The following LRRC37A2 variants were observed in gnomAD, a reference collection of about 807,000 sequenced individuals.
LRRC37A2 encodes the protein leucine rich repeat containing 37 member A2.
In LRRC37A2, 9 loss-of-function variants were observed where a neutral mutation model predicts 68.8. The ratio of observed to expected loss-of-function variants is 0.13; its 90% CI spans 0.08 to 0.23. The LOEUF is 0.23. LRRC37A2 is among the 10% of genes least tolerant of loss of function. The pLI, the probability that LRRC37A2 is intolerant of heterozygous loss-of-function variation, is 1.00. For missense variants in LRRC37A2, 168 were observed against 950.4 expected, an observed-to-expected ratio of 0.18 and a Z score of 10.82; for synonymous variants, 63 against 367.6, an observed-to-expected ratio of 0.17 and a Z score of 9.48.
chr17:47,022,332 A>T, the LRRC37A2 span, among the ~76,000 whole-genome samples: 1 of 145,400 alleles, frequency 6.9e-6, no homozygotes. Flanking sequence ...CACCACACCC[A>T]CCTAATTTTG....
chr17:46,850,530 A>T, the LRRC37A2 span, among the ~76,000 whole-genome samples: 1 of 152,110 alleles, frequency 6.6e-6, no homozygotes, highest in African/African-American at 2.4e-5. Context: ...TTCCCTATGC[A>T]TGGCTGATTT....
the LRRC37A2 span, among the ~76,000 whole-genome samples, chr17:46,836,491 T>G: frequency 6.6e-6 from 1 of 152,168 alleles, no homozygotes; most frequent in Non-Finnish European, 1.5e-5. Flanking sequence ...TTTACACTGA[T>G]AAGAGGAAGA....
the LRRC37A2 span, among the ~76,000 whole-genome samples, chr17:46,493,506 CTTTA>C: frequency 8.3e-6 from 1 of 120,476 alleles, no homozygotes; most frequent in Non-Finnish European, 1.7e-5. Context: ...GGGTTGCTTT[CTTTA>C]TTGTTATTCT....
chr17:46,904,304 G>A, the LRRC37A2 span, among the ~76,000 whole-genome samples: 2 of 151,172 alleles, frequency 1.3e-5, no homozygotes, highest in African/African-American at 4.9e-5. Context: ...AAATGAGTGA[G>A]TGGATGGATA....
the LRRC37A2 span, among the ~76,000 whole-genome samples, chr17:46,809,208 T>C: frequency 6.6e-6 from 1 of 152,038 alleles, no homozygotes; most frequent in Non-Finnish European, 1.5e-5. Context: ...AGGGGAGCCA[T>C]GGGAGGTGTC....
At chr17:46,690,607 G>A in the LRRC37A2 span, among the ~76,000 whole-genome samples, 4 of 59,088 alleles carry the variant, frequency 6.8e-5, no homozygotes, top group Non-Finnish European at 1.2e-4. Context: ...GTGAGACTCC[G>A]TCTCAAAAAA....
the LRRC37A2 span, among the ~76,000 whole-genome samples, chr17:46,495,495 G>A: frequency 6.1e-5 from 9 of 147,340 alleles, no homozygotes; most frequent in Admixed American, 5.3e-4. Context: ...AATTATTCTC[G>A]TGCCTCAGCC....
At chr17:46,869,299 G>A in the LRRC37A2 span, among the ~76,000 whole-genome samples, 2 of 152,190 alleles carry the variant, frequency 1.3e-5, no homozygotes, top group African/African-American at 4.8e-5. Context: ...TGCCTCTGGG[G>A]TGGGGCCTGA....
At chr17:47,003,006 C>T in the LRRC37A2 span, among the ~76,000 whole-genome samples, 3 of 152,134 alleles carry the variant, frequency 2.0e-5, no homozygotes, top group South Asian at 6.2e-4. Flanking sequence ...AATCCTAGCA[C>T]CAAGGCAAGT....
the LRRC37A2 span, among the ~76,000 whole-genome samples, chr17:47,029,063 T>C: frequency 6.6e-6 from 1 of 152,064 alleles, no homozygotes; most frequent in South Asian, 2.1e-4. Flanking sequence ...CCTGTGATCC[T>C]AGCTATCAGG....
chr17:46,533,918 C>T (rs1339444889), intron 6 of LRRC37A2, among the ~76,000 whole-genome samples: 2 of 114,776 alleles, frequency 1.7e-5, no homozygotes, highest in African/African-American at 9.2e-5. Context: ...TCTTCAATTT[C>T]AAAGGTAGTT....
the LRRC37A2 span, chr17:46,710,831 C>A: frequency 1.3e-6 from 1 of 750,460 alleles, no homozygotes; most frequent in Non-Finnish European, 2.0e-6. Flanking sequence ...AGTTGTTTTG[C>A]TTTCCAGGCT....
chr17:47,022,862 A>G, the LRRC37A2 span, among the ~76,000 whole-genome samples: 1 of 152,230 alleles, frequency 6.6e-6, no homozygotes, highest in Non-Finnish European at 1.5e-5. Flanking sequence ...TGTTACATGC[A>G]TTGCTGCAAT....
At chr17:46,975,988 G>A in the LRRC37A2 span, among the ~76,000 whole-genome samples, 2 of 152,082 alleles carry the variant, frequency 1.3e-5, no homozygotes, top group African/African-American at 2.4e-5. Context: ...GTGCAGTAGC[G>A]TAATCTCGGC....
the LRRC37A2 span, among the ~76,000 whole-genome samples, chr17:46,621,411 C>T: frequency 1.6e-5 from 2 of 124,090 alleles, no homozygotes; most frequent in East Asian, 2.4e-4. Context: ...CTCAGCCTCC[C>T]AAGTAGCTGG....
chr17:46,795,112 C>A, the LRRC37A2 span, among the ~76,000 whole-genome samples: 1 of 152,072 alleles, frequency 6.6e-6, no homozygotes, highest in Non-Finnish European at 1.5e-5. Context: ...CACCTGTGTC[C>A]CTCTGAGCCA....
the LRRC37A2 span, among the ~76,000 whole-genome samples, chr17:46,801,585 A>G: frequency 3.9e-5 from 5 of 126,950 alleles, no homozygotes; most frequent in African/African-American, 1.5e-4. Flanking sequence ...GCGCCATTAC[A>G]CTCCACTCTG....
chr17:46,870,931 G>A, the LRRC37A2 span, among the ~76,000 whole-genome samples: 5 of 109,620 alleles, frequency 4.6e-5, no homozygotes, highest in African/African-American at 7.1e-5. Flanking sequence ...TTTTTTTTGA[G>A]ATAGGGTCTT....
At chr17:46,823,129 T>A in the LRRC37A2 span, among the ~76,000 whole-genome samples, 4 of 125,930 alleles carry the variant, frequency 3.2e-5, no homozygotes, top group Non-Finnish European at 4.8e-5. Flanking sequence ...TATTATATAT[T>A]ATATATATTA....
Sources: allele counts gnomAD v4.1 joint callset (sites outside exome capture counted in the v4.1 genomes callset), GRCh38; gene constraint gnomAD v4.1.1; transcripts MANE v1.5; gene names NCBI Gene and HGNC (gene_info 2026-07-23, HGNC 2026-07-21).